PDCD6IP: variants seen among roughly 807,000 people sequenced by gnomAD.
PDCD6IP encodes the protein programmed cell death 6-interacting protein.
PDCD6IP carries 43 observed loss-of-function variants against 103.7 expected under a neutral mutation model. That is an observed-to-expected ratio of 0.41 (90% CI 0.32 to 0.53). PDCD6IP has a LOEUF of 0.53. PDCD6IP is among the 20% of genes least tolerant of loss of function. PDCD6IP has a pLI of 0.16. For synonymous variants in PDCD6IP, 354 were observed against 378.7 expected (o/e 0.93, Z 0.76); for missense variants, 871 against 1,036.7 (o/e 0.84, Z 2.20).
At chr3:33,811,345 C>T (rs1332983478) in intron 1 of PDCD6IP, among the ~76,000 whole-genome samples, 1 of 152,124 alleles carries the variant, frequency 6.6e-6, no homozygotes, top group African/African-American at 2.4e-5. Context: ...GAAAATTTGC[C>T]CCCAGAAATA....
chr3:33,814,961 G>A (rs1696813791), intron 3 of PDCD6IP, among the ~76,000 whole-genome samples: 1 of 146,128 alleles, frequency 6.8e-6, no homozygotes, highest in East Asian at 2.0e-4. Context: ...TTATATATAA[G>A]TATGTATAAT....
At chr3:33,821,880 A>T in intron 3 of PDCD6IP, 75 bp from the exon 4 acceptor site, 1 of 1,390,858 alleles carries the variant, frequency 7.2e-7, no homozygotes, top group Non-Finnish European at 9.9e-7. Flanking sequence ...GAGAGGTCAT[A>T]GTATTTCTCT....
intron 15 of PDCD6IP, among the ~76,000 whole-genome samples, chr3:33,861,276 T>G (rs564753465): frequency 3.0e-4 from 46 of 152,156 alleles, no homozygotes; most frequent in Non-Finnish European, 5.7e-4. Flanking sequence ...CCCGAGTAGC[T>G]GGGATTACAA....
chr3:33,827,542 G>T (rs1200962195), intron 6 of PDCD6IP: 2 of 152,156 alleles, frequency 1.3e-5, no homozygotes, highest in Non-Finnish European at 2.9e-5. Context: ...GTAGAAATTT[G>T]CCCAGGATTC....
intron 4 of PDCD6IP, among the ~76,000 whole-genome samples, chr3:33,822,415 A>T (rs1242986035): frequency 6.6e-6 from 1 of 152,102 alleles, no homozygotes; most frequent in Non-Finnish European, 1.5e-5. Context: ...TTACCTAATT[A>T]AAAAAAATTT....
In PDCD6IP at chr3:33,864,020, G is replaced by A; in HGVS notation, c.2135G>A (p.Ser712Asn). Residue 712 changes from serine (S) to asparagine (N), a missense_variant, in exon 16 of 18, where the codon AGC (serine) becomes AAC (asparagine). Physicochemically the swap from Ser to Asn is conservative, Grantham distance 46 (BLOSUM62 1). Coordinates refer to ENST00000307296, the MANE Select transcript of PDCD6IP (RefSeq NM_013374.6). Reference protein sequence around the residue: ...RDELLKDLQQSIAREPSAPSI... With the variant: ...RDELLKDLQQNIAREPSAPSI... ...TCTTTGATAAGGGACTTGCAACAAA[G>A]CATTGCCAGAGAACCTAGTGCTCCT... 1.2e-6 allele frequency: 2 copies of A among 1,613,054 alleles called. No homozygotes were observed. Among genetic ancestry groups the A allele is most frequent in the Non-Finnish European group, 1.7e-6 (2 of 1,179,166 alleles).
chr3:33,853,324 T>C (rs1281212513), intron 13 of PDCD6IP, among the ~76,000 whole-genome samples: 6 of 152,340 alleles, frequency 3.9e-5, no homozygotes, highest in Non-Finnish European at 7.4e-5. Flanking sequence ...GCTTTGGTTT[T>C]TTTTCCATAT....
At chr3:33,832,571 A>G (rs1015180574) in intron 7 of PDCD6IP, among the ~76,000 whole-genome samples, 6 of 152,178 alleles carry the variant, frequency 3.9e-5, no homozygotes, top group Non-Finnish European at 8.8e-5. Context: ...CTTCTTCCAA[A>G]TGGCTAGCCC....
rs1290640922 is a variant in PDCD6IP, at chr3:33,798,715, C to T, written c.-14C>T. On this transcript the variant is annotated 5_prime_UTR_variant, in exon 1 of 18. Transcript: ENST00000307296. ...GCGGTCTGTTTGGCCCGAACGGCGG[C>T]GGAGGCGCTGATCATGGCGACATTC... 10 of 1,539,454 alleles carry T rather than the reference C, an allele frequency of 6.5e-6. No homozygotes were observed. Among genetic ancestry groups the T allele is most frequent in the Non-Finnish European group, 8.8e-6 (10 of 1,137,674 alleles).
chr3:33,821,952 C>T lies in PDCD6IP; in HGVS notation c.335-3C>T. The T allele has an allele frequency of 6.3e-7, 1 of 1,597,078 alleles. No homozygotes were observed. The highest frequency in any genetic ancestry group is 8.5e-7 in the Non-Finnish European group (1 of 1,175,002). ...TGAATTTTTCCTTCTCAATTTTTTA[C>T]AGCTCTTGCAAGCTTAGGATATGAA... On this transcript the variant is annotated splice_polypyrimidine_tract_variant and splice_region_variant and intron_variant, in intron 3 of 17. Transcript: ENST00000307296.
intron 15 of PDCD6IP, among the ~76,000 whole-genome samples, chr3:33,856,535 C>A (rs1253158263): frequency 6.6e-6 from 1 of 152,020 alleles, no homozygotes; most frequent in East Asian, 1.9e-4. Flanking sequence ...AGAAGAAAAA[C>A]CAGATAGAAC....
intron 10 of PDCD6IP, among the ~76,000 whole-genome samples, chr3:33,843,404 C>T (rs766245810): frequency 5.4e-5 from 8 of 147,798 alleles, no homozygotes; most frequent in Non-Finnish European, 1.2e-4. Flanking sequence ...GATGGTGGGC[C>T]AGTGCTAGCT....
chr3:33,853,256 A>G (rs776666860), intron 13 of PDCD6IP, among the ~76,000 whole-genome samples: 4 of 152,142 alleles, frequency 2.6e-5, no homozygotes, highest in Non-Finnish European at 5.9e-5. Flanking sequence ...AAAATGTTGC[A>G]TATTACTTAG....
chr3:33,800,875 T>C (rs1248312778), intron 1 of PDCD6IP, among the ~76,000 whole-genome samples: 2 of 151,876 alleles, frequency 1.3e-5, no homozygotes, highest in Admixed American at 1.3e-4. Flanking sequence ...ACATGGGAGG[T>C]TGGTGGATAA....
At chr3:33,827,249 A>G (rs1697147444) in intron 6 of PDCD6IP, 1 of 950,846 alleles carries the variant, frequency 1.1e-6, no homozygotes, top group South Asian at 4.9e-5. Flanking sequence ...ATTAATAAAG[A>G]AAACTTAAAG....
At chr3:33,828,247 T>C (rs186131382) in intron 6 of PDCD6IP, among the ~76,000 whole-genome samples, 1 of 152,338 alleles carries the variant, frequency 6.6e-6, no homozygotes, top group African/African-American at 2.4e-5. Flanking sequence ...TGATATGTTT[T>C]TGAGTATATG....
At chr3:33,835,309 A>C (rs1158150882) in intron 7 of PDCD6IP, 1 of 456,714 alleles carries the variant, frequency 2.2e-6, no homozygotes, top group Non-Finnish European at 4.4e-6. Context: ...CATGTGAAGG[A>C]GTGAAAGAGG....
At position 33,798,632 on chromosome 3, in the gene PDCD6IP, TCAGTCCGC is replaced by T. The variant is rs372627622; in HGVS notation, c.-85_-78del. The T allele has an allele frequency of 1.2e-5, 14 of 1,190,156 alleles. No individual in the cohort carries two copies. In the South Asian group the frequency reaches 1.7e-4, roughly 15 times the overall value. 73.7% of individuals were successfully genotyped at this position (1,190,156 alleles called of 1,614,324 possible). The stretch of plus-strand genomic sequence containing the variant: ...GGCGGAGCGCAAGTCTGTCAGCCAG[TCAGTCCGC>T]CAGTCCGCCAGCCCAGTACCTCTCT... On this transcript the variant is annotated 5_prime_UTR_variant, in exon 1 of 18. Transcript: ENST00000307296.
chr3:33,809,201 C>T (rs1354379935), intron 1 of PDCD6IP, among the ~76,000 whole-genome samples: 2 of 152,132 alleles, frequency 1.3e-5, no homozygotes, highest in Non-Finnish European at 2.9e-5. Context: ...TTTTTGTCTT[C>T]CCCTCTAAAA....
Sources: gnomAD v4.1 joint callset for allele counts (sites outside exome capture counted in the v4.1 genomes callset) on GRCh38, gnomAD v4.1.1 for gene constraint, MANE v1.5 for transcripts, NCBI Gene and HGNC (gene_info 2026-07-23, HGNC 2026-07-21) for gene names.